Variants in MAST4 observed in about 807,000 individuals in gnomAD.
The protein encoded by MAST4 is microtubule-associated serine/threonine-protein kinase 4.
A neutral mutation model predicts 162.7 loss-of-function variants in MAST4; 89 were observed. The ratio of observed to expected loss-of-function variants is 0.55; its 90% CI spans 0.46 to 0.65. MAST4 has a LOEUF of 0.65. Ranked by LOEUF, MAST4 falls within the 30% of genes least tolerant of loss-of-function variation. The pLI is 0.00. For missense variants in MAST4, 3,153 were observed against 3,374.0 expected, an observed-to-expected ratio of 0.93 and a Z score of 1.62; for synonymous variants, 1,479 against 1,361.1, an observed-to-expected ratio of 1.09 and a Z score of -1.91.
chr5:66,815,610 G>A (rs1191139871), intron 3 of MAST4, among the ~76,000 whole-genome samples: 1 of 152,096 alleles, frequency 6.6e-6, no homozygotes, highest in Non-Finnish European at 1.5e-5. Flanking sequence ...GACAAATAAC[G>A]TTTTTAAAAA....
intron 3 of MAST4, among the ~76,000 whole-genome samples, chr5:66,885,145 C>G (rs1034824862): frequency 4.5e-4 from 69 of 152,282 alleles, no homozygotes; most frequent in Non-Finnish European, 7.4e-5. Flanking sequence ...AGGGGGTTTT[C>G]AAAACGTTTC....
intron 1 of MAST4, among the ~76,000 whole-genome samples, chr5:66,689,783 G>A (rs767014456): frequency 6.6e-6 from 1 of 152,162 alleles, no homozygotes; most frequent in Admixed American, 6.6e-5. Flanking sequence ...TCATTAAAAC[G>A]TACAGTGCCT....
chr5:66,965,619 C>A (rs1393148626), intron 4 of MAST4, among the ~76,000 whole-genome samples: 16 of 137,534 alleles, frequency 1.2e-4, no homozygotes, highest in South Asian at 2.3e-4. Context: ...TAAAACCAGA[C>A]AGAGAAAAAA....
chr5:67,130,963 G>A (rs1274722613), intron 15 of MAST4, among the ~76,000 whole-genome samples: 1 of 151,886 alleles, frequency 6.6e-6, no homozygotes, highest in Non-Finnish European at 1.5e-5. Flanking sequence ...TTCTGAGTTC[G>A]AGTGACCATG....
At chr5:66,869,016 A>G (rs533908423) in intron 3 of MAST4, among the ~76,000 whole-genome samples, 183 of 152,310 alleles carry the variant, frequency 1.2e-3, no homozygotes, top group African/African-American at 4.2e-3. Context: ...TAATTTGCAC[A>G]TTGACTGTAA....
rs1225194625 is a variant in MAST4, at chr5:66,737,459, C to G, written c.364-22250C>G. On this transcript the variant is annotated intron_variant, in intron 1 of 28. Coordinates refer to ENST00000403625, the MANE Select transcript of MAST4 (RefSeq NM_001164664.2). ...TTCAAAAGTAAGCCACTAAGTACAG[C>G]CTGCACTCAAGGGGAGGGTACTACC... 5.9e-5 allele frequency among the ~76,000 whole-genome samples: 9 copies of G among 152,150 alleles called. 1 individual carries two copies. The highest frequency in any genetic ancestry group is 5.9e-4 in the Admixed American group (9 of 15,280).
At chr5:66,620,933 C>A (rs1030365283) in intron 1 of MAST4, among the ~76,000 whole-genome samples, 1 of 151,740 alleles carries the variant, frequency 6.6e-6, no homozygotes, top group Admixed American at 6.6e-5. Flanking sequence ...ATGCAACTGT[C>A]CCCCCTAATT....
intron 3 of MAST4, among the ~76,000 whole-genome samples, chr5:66,840,251 A>G (rs1309174620): frequency 6.6e-6 from 1 of 152,160 alleles, no homozygotes; most frequent in Non-Finnish European, 1.5e-5. Flanking sequence ...TTATATTTTT[A>G]TCTTAACATT....
intron 4 of MAST4, among the ~76,000 whole-genome samples, chr5:67,017,330 C>T (rs192554945): frequency 6.6e-6 from 1 of 152,242 alleles, no homozygotes; most frequent in Admixed American, 6.5e-5. Context: ...AAGAAGTCTT[C>T]CCTTTAGGAA....
At chr5:66,913,872 G>A (rs538729133) in intron 4 of MAST4, among the ~76,000 whole-genome samples, 80 of 152,242 alleles carry the variant, frequency 5.3e-4, no homozygotes, top group African/African-American at 1.0e-3. Flanking sequence ...AATCGTTCCC[G>A]CACCATTTGT....
At chr5:66,828,088 C>G in intron 3 of MAST4, among the ~76,000 whole-genome samples, 2 of 152,274 alleles carry the variant, frequency 1.3e-5, no homozygotes, top group Non-Finnish European at 2.9e-5. Flanking sequence ...TCCACCCAAC[C>G]TTTTTACATT....
intron 1 of MAST4, among the ~76,000 whole-genome samples, chr5:66,716,659 C>G (rs1750862582): frequency 6.6e-6 from 1 of 151,932 alleles, no homozygotes. Flanking sequence ...TTGTGCCCAG[C>G]CTAGATTTTG....
At chr5:66,610,165 G>A (rs903545229) in intron 1 of MAST4, among the ~76,000 whole-genome samples, 1 of 152,146 alleles carries the variant, frequency 6.6e-6, no homozygotes, top group Non-Finnish European at 1.5e-5. Flanking sequence ...GGTAGCCTCA[G>A]GTGCTCCTTG....
At chr5:66,995,700 C>T (rs966619428) in intron 4 of MAST4, among the ~76,000 whole-genome samples, 23 of 152,100 alleles carry the variant, frequency 1.5e-4, no homozygotes, top group African/African-American at 3.9e-4. Context: ...CATGCCCAGA[C>T]GAAAATTTTT....
chr5:66,766,640 G>T (rs1754110075), intron 2 of MAST4, among the ~76,000 whole-genome samples: 1 of 151,930 alleles, frequency 6.6e-6, no homozygotes, highest in Non-Finnish European at 1.5e-5. Flanking sequence ...TCATCCTAAA[G>T]ACCTCCTTAG....
At chr5:67,100,729 A>T in intron 8 of MAST4, 137 bp downstream of exon 8, 4 of 1,050,904 alleles carry the variant, frequency 3.8e-6, no homozygotes, top group Non-Finnish European at 5.5e-6. Context: ...TGATGTTTCC[A>T]TGTACACATA....
rs114873075 is a variant in MAST4, at chr5:66,850,412, G to A, written c.643-49539G>A. On this transcript the variant is annotated intron_variant, in intron 3 of 28. Transcript: ENST00000403625. Reference sequence around the variant, plus strand: ...TCGCTCTGTCTGTCTACACGTAGCCGATGCTTGAGTTCTTCTGTGTGGCCA... The same window carrying A: ...TCGCTCTGTCTGTCTACACGTAGCCAATGCTTGAGTTCTTCTGTGTGGCCA... 1.3e-3 allele frequency among the ~76,000 whole-genome samples: 202 copies of A among 152,328 alleles called. 1 individual carries two copies. The highest frequency in any genetic ancestry group is 4.7e-3 in the African/African-American group (197 of 41,578).
intron 4 of MAST4, among the ~76,000 whole-genome samples, chr5:66,928,022 A>C (rs1765033429): frequency 6.6e-6 from 1 of 152,006 alleles, no homozygotes; most frequent in Non-Finnish European, 1.5e-5. Context: ...TCAAAATTCC[A>C]CTTTTTTATA....
intron 1 of MAST4, among the ~76,000 whole-genome samples, chr5:66,603,748 T>C (rs1231379846): frequency 6.6e-6 from 1 of 152,190 alleles, no homozygotes; most frequent in Non-Finnish European, 1.5e-5. Context: ...TTGATATAAC[T>C]CAAGCTGGTG....
Sources: allele counts gnomAD v4.1 joint callset (sites outside exome capture counted in the v4.1 genomes callset), GRCh38; gene constraint gnomAD v4.1.1; transcripts MANE v1.5; gene names NCBI Gene and HGNC (gene_info 2026-07-23, HGNC 2026-07-21).